The following TTC6 variants were observed in gnomAD, a reference collection of about 807,000 sequenced individuals.
TTC6 encodes the protein tetratricopeptide repeat protein 6.
A neutral mutation model predicts 210.4 loss-of-function variants in TTC6; 172 were observed. The ratio of observed to expected loss-of-function variants is 0.82; its 90% confidence interval spans 0.72 to 0.93. The LOEUF is 0.93. Ranked by LOEUF, TTC6 falls within the 40% of genes least tolerant of loss-of-function variation. The probability of loss-of-function intolerance (pLI) is 0.00; values close to 1 mark genes in which losing one functional copy is unlikely to be tolerated. For synonymous variants in TTC6, 804 were observed against 819.6 expected (o/e 0.98, Z 0.32); for missense variants, 2,414 against 2,318.1 (o/e 1.04, Z -0.85).
At chr14:37,758,159 G>T (rs2095973519) in intron 14 of TTC6, among the ~76,000 whole-genome samples, 1 of 152,180 alleles carries the variant, frequency 6.6e-6, no homozygotes, top group South Asian at 2.1e-4. Flanking sequence ...ATATTCTGTT[G>T]ATTTGGTGTG....
At chr14:37,744,784 C>G (rs1353356559) in intron 10 of TTC6, among the ~76,000 whole-genome samples, 1 of 152,018 alleles carries the variant, frequency 6.6e-6, no homozygotes, top group Non-Finnish European at 1.5e-5. Context: ...TTCATATGAT[C>G]TAGTTTATGT....
At chr14:37,802,878 A>G (rs920508653) in intron 20 of TTC6, among the ~76,000 whole-genome samples, 4 of 152,034 alleles carry the variant, frequency 2.6e-5, no homozygotes, top group African/African-American at 9.7e-5. Context: ...GATTATAGGC[A>G]CATACCACTA....
chr14:37,765,515 A>T (rs1012848781), intron 14 of TTC6, among the ~76,000 whole-genome samples: 4 of 152,104 alleles, frequency 2.6e-5, no homozygotes, highest in African/African-American at 9.7e-5. Context: ...ATGCCCAGTG[A>T]CATAGACTTA....
Position 37,679,980 on chromosome 14 carries a change from A to G in TTC6, c.940-171A>G, listed in dbSNP as rs535753319. On this transcript the variant is annotated intron_variant, in intron 1 of 30. Transcript: ENST00000553443. The stretch of plus-strand genomic sequence containing the variant: ...GCCGGGATTACAGGCATGAGCCACC[A>G]CACCCTGACTTTATTGTTTTTTCTT... 3.9e-5 allele frequency among the ~76,000 whole-genome samples: 6 copies of G among 152,096 alleles called. No individual in the cohort carries two copies. The South Asian group carries it at 8.3e-4, about 21-fold the overall frequency.
Position 37,651,524 on chromosome 14 carries a change from C to T in TTC6, c.939+28521C>T, listed in dbSNP as rs1595062461. ...TCCTTTCATAAATATTGTCAAGTAC[C>T]TTCAAGCTGCCACATATTAGAGATA... On this transcript the variant is annotated intron_variant, in intron 1 of 30. Coordinates refer to ENST00000553443, the Ensembl canonical transcript of TTC6. Among the ~76,000 whole-genome samples, 3 of 146,026 alleles carry T rather than the reference C, an allele frequency of 2.1e-5. No homozygotes were observed. The East Asian group carries it at 6.3e-4, about 31-fold the overall frequency.
intron 14 of TTC6, among the ~76,000 whole-genome samples, chr14:37,771,726 C>T (rs1044735471): frequency 3.9e-5 from 6 of 152,068 alleles, no homozygotes; most frequent in African/African-American, 1.2e-4. Flanking sequence ...TCAAAGTTTT[C>T]AACTTCTTTG....
At chr14:37,690,585 A>T (rs1440980709) in intron 3 of TTC6, among the ~76,000 whole-genome samples, 1 of 152,178 alleles carries the variant, frequency 6.6e-6, no homozygotes, top group South Asian at 2.1e-4. Context: ...CTCTATACTT[A>T]TATCAGACAA....
intron 19 of TTC6, 46 bp from the exon 22 acceptor site, chr14:37,796,741 C>T (rs772281096): frequency 1.3e-6 from 2 of 1,541,402 alleles, no homozygotes; most frequent in Non-Finnish European, 1.8e-6. Context: ...TATTCAAAAT[C>T]ATTGATACTT....
chr14:37,657,309 T>A, intron 1 of TTC6, among the ~76,000 whole-genome samples: 1 of 130,220 alleles, frequency 7.7e-6, no homozygotes, highest in Non-Finnish European at 1.6e-5. Context: ...TAATAAAAAA[T>A]AGTTTTCAAA....
intron 14 of TTC6, among the ~76,000 whole-genome samples, chr14:37,769,769 A>AT (rs1436555123): frequency 1.3e-5 from 2 of 151,774 alleles, no homozygotes; most frequent in African/African-American, 4.8e-5. Context: ...GGATTCATTA[A>AT]TTTTTTGAAT....
At chr14:37,812,163 A>G in intron 24 of TTC6, 151 bp from the exon 27 acceptor site, 1 of 761,268 alleles carries the variant, frequency 1.3e-6, no homozygotes, top group Non-Finnish European at 2.0e-6. Context: ...GGTACCCTTT[A>G]AATCTAACAT....
At chr14:37,784,661 A>C (rs1048661077) in intron 14 of TTC6, among the ~76,000 whole-genome samples, 1 of 152,164 alleles carries the variant, frequency 6.6e-6, no homozygotes, top group Non-Finnish European at 1.5e-5. Flanking sequence ...TGATCCTGTC[A>C]TTATGATGTT....
chr14:37,826,171 C>A, intron 27 of TTC6, 24 bp from the exon 30 acceptor site: 2 of 1,575,400 alleles, frequency 1.3e-6, no homozygotes, highest in South Asian at 1.2e-5. Context: ...TTTCCTACTT[C>A]GTGTAATTGG....
At chr14:37,661,932 G>A (rs938558183) in intron 1 of TTC6, among the ~76,000 whole-genome samples, 2 of 152,066 alleles carry the variant, frequency 1.3e-5, no homozygotes, top group Admixed American at 1.3e-4. Context: ...TGTAGCAATT[G>A]TGAATGGGAG....
In TTC6 at chr14:37,739,151, G is replaced by A. The variant is rs2095910510; in HGVS notation, c.2359G>A (p.Glu787Lys). The change falls in exon 10 of 31, where the codon GAA becomes AAA. Residue 787 changes from glutamate to lysine, a missense_variant. Transcript: ENST00000553443. ...GTTATCCAAGCCTCCAAAATCTCTT[G>A]AAAGGTCTTGTTTAAGTGATTTTCT... 4 of 1,496,626 alleles carry A rather than the reference G, an allele frequency of 2.7e-6. No individual in the cohort carries two copies. In the East Asian group the frequency reaches 9.8e-5, roughly 37 times the overall value. 92.7% of individuals were successfully genotyped at this position (1,496,626 alleles called of 1,614,324 possible).
chr14:37,628,703 T>C (rs1374034038), intron 1 of TTC6, among the ~76,000 whole-genome samples: 1 of 152,240 alleles, frequency 6.6e-6, no homozygotes, highest in Non-Finnish European at 1.5e-5. Context: ...CTGAATGGTA[T>C]TGCCTAGATT....
chr14:37,692,224 A>AAAAAAAAAAAAAAAAAAAAAAAAG (rs2095805029), intron 3 of TTC6, among the ~76,000 whole-genome samples: 1 of 143,068 alleles, frequency 7.0e-6, no homozygotes, highest in Non-Finnish European at 1.6e-5. Flanking sequence ...AAAAAAAAAA[A>AAAAAAAAAAAAAAAAAAAAAAAAG]AAAAAAAAGA....
At chr14:37,842,331 T>G in exon 31 of TTC6, 1 of 1,463,284 alleles carries the variant, frequency 6.8e-7, no homozygotes, top group South Asian at 1.5e-5. Context: ...TACACAGCTG[T>G]TCTCTCTGAA....
intron 14 of TTC6, among the ~76,000 whole-genome samples, chr14:37,764,796 A>G (rs2095993829): frequency 6.6e-6 from 1 of 152,122 alleles, no homozygotes; most frequent in Non-Finnish European, 1.5e-5. Flanking sequence ...AAGGAGAGAT[A>G]ACTCTGCCAT....
Sources: gnomAD v4.1 joint callset for allele counts (sites outside exome capture counted in the v4.1 genomes callset) on GRCh38, gnomAD v4.1.1 for gene constraint, MANE v1.5 for transcripts, NCBI Gene and HGNC (gene_info 2026-07-23, HGNC 2026-07-21) for gene names.